CAMTA1: variants seen among roughly 807,000 people sequenced by gnomAD.
The protein encoded by CAMTA1 is calmodulin binding transcription activator 1, also known as calmodulin-binding transcription activator 1.
CAMTA1 carries 27 observed loss-of-function variants against 170.9 expected under a neutral mutation model. That is an observed-to-expected ratio of 0.16 (90% CI 0.12 to 0.22). The LOEUF is 0.22. Ranked by LOEUF, CAMTA1 falls within the 10% of genes least tolerant of loss-of-function variation. The pLI is 1.00. For missense variants in CAMTA1, 1,619 were observed against 2,217.2 expected (o/e 0.73, Z 5.42); for synonymous variants, 833 against 891.5 (o/e 0.93, Z 1.17).
chr1:7,730,051 TC>T (rs2096719981), intron 11 of CAMTA1, among the ~76,000 whole-genome samples: 1 of 152,222 alleles, frequency 6.6e-6, no homozygotes, highest in Admixed American at 6.5e-5. Flanking sequence ...GACATTGACT[TC>T]ATTTGTCTAA....
At chr1:6,893,582 T>C (rs1190733248) in intron 3 of CAMTA1, among the ~76,000 whole-genome samples, 1 of 152,242 alleles carries the variant, frequency 6.6e-6, no homozygotes, top group Admixed American at 6.5e-5. Flanking sequence ...AAATGGAGAT[T>C]GTAGCTTCAC....
intron 6 of CAMTA1, among the ~76,000 whole-genome samples, chr1:7,544,219 T>C (rs572917680): frequency 4.1e-4 from 62 of 151,964 alleles, no homozygotes; most frequent in Middle Eastern, 3.2e-3. Context: ...AAGAGAAAAA[T>C]GAAGAAGATG....
At chr1:7,154,057 T>G (rs1646729039) in intron 4 of CAMTA1, among the ~76,000 whole-genome samples, 1 of 152,166 alleles carries the variant, frequency 6.6e-6, no homozygotes. Context: ...CCCTGGAATT[T>G]CCGAGTGCCT....
intron 5 of CAMTA1, among the ~76,000 whole-genome samples, chr1:7,284,896 T>G (rs1048143641): frequency 2.0e-5 from 3 of 152,178 alleles, no homozygotes; most frequent in Non-Finnish European, 4.4e-5. Context: ...TCCTAGAGAA[T>G]CCACAGAACT....
intron 5 of CAMTA1, among the ~76,000 whole-genome samples, chr1:7,254,234 G>A (rs776266582): frequency 9.9e-5 from 15 of 152,218 alleles, no homozygotes; most frequent in Non-Finnish European, 1.9e-4. Context: ...GGCCTATCCA[G>A]ACCAGGTCTT....
rs895099975 is a variant in CAMTA1, at chr1:7,635,659, G to A, written c.511-4741G>A. Among the ~76,000 whole-genome samples, 4 of 150,328 alleles carry A rather than the reference G, an allele frequency of 2.7e-5. No individual in the cohort carries two copies. Among genetic ancestry groups the A allele is most frequent in the East Asian group, 2.0e-4 (1 of 5,124 alleles). On this transcript the variant is annotated intron_variant, in intron 6 of 22. Transcript: ENST00000303635. The surrounding 1 kb of genome is among the most constrained non-coding windows in gnomAD (Gnocchi z 4.4). ...GCCCTGGCGGGGTCTGTCCCCTGCC[G>A]TGACTCTCAGATCCAGGCCCAACCC... is the stretch of plus-strand genomic sequence containing the variant.
chr1:7,704,004 A>AAGCCGG (rs2096473128), intron 11 of CAMTA1, among the ~76,000 whole-genome samples: 1 of 151,550 alleles, frequency 6.6e-6, no homozygotes, highest in Non-Finnish European at 1.5e-5. Context: ...CCCCTCCCCA[A>AAGCCGG]AGCCGGAGCC....
rs2095696912 is a variant in CAMTA1, at chr1:7,634,687, G to A, written c.511-5713G>A. On this transcript the variant is annotated intron_variant, in intron 6 of 22. Coordinates refer to ENST00000303635, the MANE Select transcript of CAMTA1 (RefSeq NM_015215.4). This position sits in a 1 kb window ranked among gnomAD's most constrained non-coding sequence, Gnocchi z 6.2. Reference sequence around the variant, plus strand: ...CAAGAGGAGAGCTGGGACAGGCTGGGGCTGCCGGAGGAGGAAGGGGGCTCT... The same window carrying A: ...CAAGAGGAGAGCTGGGACAGGCTGGAGCTGCCGGAGGAGGAAGGGGGCTCT... Among the ~76,000 whole-genome samples the A allele has an allele frequency of 6.6e-6, 1 of 152,130 alleles. No homozygotes were observed. Among genetic ancestry groups the A allele is most frequent in the Non-Finnish European group, 1.5e-5 (1 of 68,022 alleles).
At chr1:7,361,628 A>G (rs1389385792) in intron 5 of CAMTA1, among the ~76,000 whole-genome samples, 1 of 152,244 alleles carries the variant, frequency 6.6e-6, no homozygotes, top group Admixed American at 6.5e-5. Flanking sequence ...TTAAAAGTCA[A>G]GATGAATCTC....
intron 5 of CAMTA1, among the ~76,000 whole-genome samples, chr1:7,358,631 T>C (rs183117417): frequency 2.0e-3 from 308 of 152,322 alleles, no homozygotes; most frequent in Middle Eastern, 6.8e-3. Flanking sequence ...CTCTGTGAGC[T>C]TGCAGGAATA....
chr1:7,620,277 T>C (rs894307676), intron 6 of CAMTA1, among the ~76,000 whole-genome samples: 3 of 152,220 alleles, frequency 2.0e-5, no homozygotes, highest in Non-Finnish European at 2.9e-5. Flanking sequence ...GGAGGCCAGA[T>C]GTGCTGCTGA....
intron 3 of CAMTA1, among the ~76,000 whole-genome samples, chr1:6,845,459 T>C (rs1201541165): frequency 6.6e-6 from 1 of 152,228 alleles, no homozygotes; most frequent in African/African-American, 2.4e-5. Context: ...CCTAACCAAA[T>C]TGAGTTAAAA....
chr1:7,675,853 C>T (rs2096114039), intron 10 of CAMTA1, among the ~76,000 whole-genome samples: 1 of 152,170 alleles, frequency 6.6e-6, no homozygotes, highest in Non-Finnish European at 1.5e-5. Context: ...GGCTGCTGGG[C>T]TGGGACCCCG....
intron 5 of CAMTA1, among the ~76,000 whole-genome samples, chr1:7,308,875 T>C (rs1323621705): frequency 6.6e-6 from 1 of 152,266 alleles, no homozygotes; most frequent in Admixed American, 6.5e-5. Flanking sequence ...GACTGATTTC[T>C]GTCTACTCAT....
chr1:7,559,941 G>A (rs900460010), intron 6 of CAMTA1, among the ~76,000 whole-genome samples: 1 of 152,250 alleles, frequency 6.6e-6, no homozygotes, highest in Admixed American at 6.5e-5. Flanking sequence ...GTTCTTGGAT[G>A]AGAGCTTGGT....
intron 7 of CAMTA1, among the ~76,000 whole-genome samples, chr1:7,651,179 A>G (rs2095846619): frequency 6.6e-6 from 1 of 152,112 alleles, no homozygotes. Flanking sequence ...TGACTAGTTA[A>G]ATGGCCACCC....
chr1:7,751,089 A>T, intron 19 of CAMTA1, 110 bp from the exon 20 acceptor site: 2 of 867,340 alleles, frequency 2.3e-6, no homozygotes, highest in Non-Finnish European at 3.8e-6. Context: ...AGAATGTGAT[A>T]ATAGAGGGGA....
chr1:7,518,075 T>C (rs1486106541), intron 6 of CAMTA1, among the ~76,000 whole-genome samples: 2 of 152,012 alleles, frequency 1.3e-5, no homozygotes, highest in South Asian at 2.1e-4. Flanking sequence ...AGCTAAGTGG[T>C]GTCTGCCAGA....
chr1:7,691,956 G>T lies in CAMTA1; in HGVS notation c.2914+14223G>T, dbSNP rs189979081. On this transcript the variant is annotated intron_variant, in intron 11 of 22. Transcript: ENST00000303635. ...TGAAGGTTTCTTCAAGGGAGGGAAG[G>T]AAGGGAGGGAGGAAGGGAAGGAAGG... is the stretch of plus-strand genomic sequence containing the variant. 3.1e-3 allele frequency among the ~76,000 whole-genome samples: 430 copies of T among 138,866 alleles called. 2 individuals are homozygous for T. The highest frequency in any genetic ancestry group is 0.011 in the African/African-American group (408 of 37,650). The allele number at this position is 138,866 out of a possible 152,430, so 91.1% of individuals were successfully genotyped here.
Sources: gnomAD v4.1 joint callset for allele counts (sites outside exome capture counted in the v4.1 genomes callset) on GRCh38, gnomAD v4.1.1 for gene constraint, Gnocchi (gnomAD v3.1) non-coding constraint, MANE v1.5 for transcripts, NCBI Gene and HGNC (gene_info 2026-07-23, HGNC 2026-07-21) for gene names.